Variants in IL7 observed in about 807,000 individuals in gnomAD.
The protein encoded by IL7 is interleukin-7.
Under a neutral mutation model 21.6 loss-of-function variants are expected in IL7, and 3 were observed. The ratio of observed to expected loss-of-function variants is 0.14; its 90% CI spans 0.06 to 0.36. The LOEUF (loss-of-function observed/expected upper bound fraction) is 0.36. Ranked by LOEUF, IL7 falls within the 10% of genes least tolerant of loss-of-function variation. The pLI, the probability that IL7 is intolerant of heterozygous loss-of-function variation, is 1.00. For missense variants in IL7, 175 were observed against 200.2 expected (o/e 0.87, Z 0.76); for synonymous variants, 62 against 68.1 (o/e 0.91, Z 0.44).
chr8:78,687,327 T>C (rs1262122786), intron 3 of IL7, among the ~76,000 whole-genome samples: 3 of 151,622 alleles, frequency 2.0e-5, no homozygotes, highest in Non-Finnish European at 4.4e-5. Context: ...CTTTAGCAAA[T>C]CTAGATATGA....
intron 3 of IL7, among the ~76,000 whole-genome samples, chr8:78,698,998 C>A (rs1447598925): frequency 6.6e-6 from 1 of 152,034 alleles, no homozygotes; most frequent in African/African-American, 2.4e-5. Context: ...ACTCTTTTCA[C>A]GTTTTTATTA....
intron 4 of IL7, among the ~76,000 whole-genome samples, chr8:78,684,314 T>A (rs1459959029): frequency 2.6e-5 from 4 of 152,198 alleles, no homozygotes; most frequent in African/African-American, 9.6e-5. Flanking sequence ...TGGTGGAAGG[T>A]GAAGAAGAAT....
intron 2 of IL7, among the ~76,000 whole-genome samples, chr8:78,769,347 A>G (rs1812872690): frequency 6.6e-6 from 1 of 152,212 alleles, no homozygotes; most frequent in Non-Finnish European, 1.5e-5. Context: ...CTCAGGATAC[A>G]AAATCAATGT....
intron 2 of IL7, among the ~76,000 whole-genome samples, chr8:78,767,974 T>C (rs7003741): frequency 0.18 from 27,913 of 151,482 alleles, 3,905 homozygotes; most frequent in African/African-American, 0.38. Context: ...CCTGTGTCCC[T>C]GTGTTCTCAT....
At chr8:78,776,065 T>C (rs566815543) in intron 2 of IL7, among the ~76,000 whole-genome samples, 1 of 152,050 alleles carries the variant, frequency 6.6e-6, no homozygotes, top group Non-Finnish European at 1.5e-5. Flanking sequence ...ATGATAAAAC[T>C]TTAATTTATA....
intron 3 of IL7, among the ~76,000 whole-genome samples, chr8:78,706,023 C>T (rs984846366): frequency 2.6e-5 from 4 of 152,204 alleles, no homozygotes; most frequent in African/African-American, 9.6e-5. Flanking sequence ...AACCAGCAGT[C>T]TGACCACATT....
At chr8:78,691,625 T>A (rs1270399237) in intron 3 of IL7, among the ~76,000 whole-genome samples, 2 of 152,308 alleles carry the variant, frequency 1.3e-5, no homozygotes, top group Non-Finnish European at 2.9e-5. Context: ...TCTCCTTTTG[T>A]AATTTTTTTA....
At chr8:78,749,295 A>G (rs898805931) in intron 2 of IL7, among the ~76,000 whole-genome samples, 3 of 152,088 alleles carry the variant, frequency 2.0e-5, no homozygotes, top group Non-Finnish European at 4.4e-5. Flanking sequence ...AAATCAATAA[A>G]ATATTAGTAT....
downstream of IL7, among the ~76,000 whole-genome samples, chr8:78,731,809 G>C (rs1413610117): frequency 6.6e-6 from 1 of 151,992 alleles, no homozygotes; most frequent in Non-Finnish European, 1.5e-5. Context: ...TACACTGTTT[G>C]AGTCCAATTT....
At chr8:78,795,418 T>C (rs1813822738) in intron 2 of IL7, among the ~76,000 whole-genome samples, 1 of 152,120 alleles carries the variant, frequency 6.6e-6, no homozygotes, top group Admixed American at 6.6e-5. Context: ...AGCTGTGTTC[T>C]CTTCCATGTC....
chr8:78,745,964 C>T (rs1189595153), intron 2 of IL7, among the ~76,000 whole-genome samples: 1 of 152,140 alleles, frequency 6.6e-6, no homozygotes, highest in African/African-American at 2.4e-5. Context: ...GTCAAGTCTT[C>T]TCCTGCTTTT....
chr8:78,774,417 A>T (rs1813064490), intron 2 of IL7, among the ~76,000 whole-genome samples: 1 of 152,152 alleles, frequency 6.6e-6, no homozygotes, highest in Non-Finnish European at 1.5e-5. Context: ...AATATCCCAA[A>T]AGTGTTTTGT....
intron 5 of IL7, chr8:78,719,596 G>T (rs1353359304): frequency 1.3e-5 from 2 of 151,718 alleles, no homozygotes; most frequent in African/African-American, 4.8e-5. Context: ...AATAAAAGAT[G>T]ATTGTAAGAT....
intron 3 of IL7, among the ~76,000 whole-genome samples, chr8:78,710,128 T>C (rs2717540): frequency 0.78 from 118,969 of 152,046 alleles, 46,910 homozygotes; most frequent in East Asian, 0.91. Context: ...TGAAGGCCTG[T>C]GAAAGTATTA....
chr8:78,769,513 C>T (rs1586087987), intron 2 of IL7, among the ~76,000 whole-genome samples: 2 of 152,154 alleles, frequency 1.3e-5, no homozygotes, highest in South Asian at 4.1e-4. Flanking sequence ...AACTACAAAT[C>T]ACTGCTCAAT....
chr8:78,675,476 TA>T (rs1464440981), downstream of IL7, among the ~76,000 whole-genome samples: 1 of 151,982 alleles, frequency 6.6e-6, no homozygotes. Flanking sequence ...ACCATAGAGA[TA>T]GCCTATAAGT....
intron 4 of IL7, among the ~76,000 whole-genome samples, chr8:78,683,612 A>T (rs149780167): frequency 1.7e-3 from 254 of 152,116 alleles, no homozygotes; most frequent in African/African-American, 5.4e-3. Context: ...CTGTGATGGG[A>T]GGGGCTGCCC....
At chr8:78,773,222 T>C (rs1016132389) in intron 2 of IL7, among the ~76,000 whole-genome samples, 1 of 152,024 alleles carries the variant, frequency 6.6e-6, no homozygotes, top group Non-Finnish European at 1.5e-5. Flanking sequence ...ACTAGGACCA[T>C]GTCGACATAC....
intron 2 of IL7, among the ~76,000 whole-genome samples, chr8:78,777,892 T>C (rs1430181375): frequency 1.3e-5 from 2 of 152,070 alleles, no homozygotes; most frequent in Non-Finnish European, 2.9e-5. Flanking sequence ...CCTTATTATA[T>C]AGTCCTAAAG....
Sources: allele counts gnomAD v4.1 joint callset (sites outside exome capture counted in the v4.1 genomes callset), GRCh38; gene constraint gnomAD v4.1.1; transcripts MANE v1.5; gene names NCBI Gene and HGNC (gene_info 2026-07-23, HGNC 2026-07-21).